CRB1: variants seen among roughly 807,000 people sequenced by gnomAD.
The protein encoded by CRB1 is crumbs cell polarity complex component 1.
In CRB1, 83 loss-of-function variants were observed where a neutral mutation model predicts 120.0. The ratio of observed to expected loss-of-function variants is 0.69; its 90% CI spans 0.58 to 0.83. The LOEUF is 0.83. Among genes scored for constraint, CRB1 ranks in the 40% least tolerant of loss-of-function variants. The pLI, the probability that CRB1 is intolerant of heterozygous loss-of-function variation, is 0.00. For missense variants in CRB1, 1,699 were observed against 1,687.6 expected (o/e 1.01, Z -0.12); for synonymous variants, 625 against 612.5 (o/e 1.02, Z -0.30).
In CRB1 at chr1:197,472,117, A is replaced by G. The variant is rs140063123; in HGVS notation, c.4006-5547A>G. On this transcript the variant is annotated intron_variant, in intron 11 of 11. Transcript: ENST00000367400. Reference sequence around the variant, plus strand: ...ACTTGGTTATTTGATGTAACACTAAATACACACACAGACACAACTAGTTTC... The same window carrying G: ...ACTTGGTTATTTGATGTAACACTAAGTACACACACAGACACAACTAGTTTC... Among the ~76,000 whole-genome samples, 15 of 152,338 alleles carry G rather than the reference A, an allele frequency of 9.8e-5. No homozygotes were observed. In the East Asian group the frequency reaches 2.3e-3, roughly 23 times the overall value.
chr1:197,339,587 A>C (rs1659340427), intron 2 of CRB1, among the ~76,000 whole-genome samples: 1 of 152,210 alleles, frequency 6.6e-6, no homozygotes, highest in Admixed American at 6.5e-5. Context: ...GGCATTCAGA[A>C]TGGTTTATCA....
intron 1 of CRB1, among the ~76,000 whole-genome samples, chr1:197,323,416 G>A (rs1331384824): frequency 1.3e-5 from 2 of 151,960 alleles, no homozygotes; most frequent in East Asian, 1.9e-4. Flanking sequence ...AAACTTTTTC[G>A]TCTTTGTTCA....
chr1:197,438,849 T>A, intron 10 of CRB1, 174 bp downstream of exon 10: 1 of 669,674 alleles, frequency 1.5e-6, no homozygotes, highest in Non-Finnish European at 2.4e-6. Flanking sequence ...ACAGTTTAGG[T>A]CAAAGGGGAG....
the CRB1 span, among the ~76,000 whole-genome samples, chr1:197,234,026 A>G: frequency 6.6e-6 from 1 of 152,062 alleles, no homozygotes; most frequent in South Asian, 2.1e-4. Flanking sequence ...TCCTAACTCC[A>G]TCTCTGTGTC....
the CRB1 span, among the ~76,000 whole-genome samples, chr1:197,206,073 T>TA: frequency 6.6e-6 from 1 of 152,064 alleles, no homozygotes; most frequent in Non-Finnish European, 1.5e-5. Context: ...TCAATGATCT[T>TA]TTGTATTTCT....
At chr1:197,400,270 A>G (rs1010547124) in intron 5 of CRB1, among the ~76,000 whole-genome samples, 1 of 151,620 alleles carries the variant, frequency 6.6e-6, no homozygotes, top group Non-Finnish European at 1.5e-5. Context: ...GCATTGTGCC[A>G]TAAAAGTAGG....
At chr1:197,386,861 C>T (rs553987295) in intron 5 of CRB1, among the ~76,000 whole-genome samples, 26 of 152,084 alleles carry the variant, frequency 1.7e-4, no homozygotes, top group Non-Finnish European at 3.2e-4. Context: ...ATCCTAGTAA[C>T]TGTCAATTGT....
At chr1:197,239,377 T>G in the CRB1 span, among the ~76,000 whole-genome samples, 1 of 152,286 alleles carries the variant, frequency 6.6e-6, no homozygotes, top group East Asian at 1.9e-4. Flanking sequence ...CTATCAATTT[T>G]TGCTTCATAT....
chr1:197,388,339 A>G (rs992667633), intron 5 of CRB1, among the ~76,000 whole-genome samples: 4 of 152,044 alleles, frequency 2.6e-5, no homozygotes. Context: ...ACTTAACCTA[A>G]ACAATGTCAT....
chr1:197,436,838 C>T (rs147567656), intron 9 of CRB1, among the ~76,000 whole-genome samples: 5 of 152,066 alleles, frequency 3.3e-5, no homozygotes, highest in Admixed American at 2.0e-4. Flanking sequence ...AGTGGATAAT[C>T]CTGGATAGTC....
chr1:197,259,925 G>A, the CRB1 span, among the ~76,000 whole-genome samples: 1 of 151,566 alleles, frequency 6.6e-6, no homozygotes, highest in Non-Finnish European at 1.5e-5. Context: ...CAAGGTGGGA[G>A]GATCGCCTGA....
At chr1:197,459,405 A>G (rs1014152768) in intron 11 of CRB1, among the ~76,000 whole-genome samples, 2 of 152,130 alleles carry the variant, frequency 1.3e-5, no homozygotes, top group African/African-American at 4.8e-5. Flanking sequence ...ACAGAAGGGT[A>G]TTAGTACTGG....
At chr1:197,456,647 T>A (rs1202695523) in intron 11 of CRB1, among the ~76,000 whole-genome samples, 1 of 152,124 alleles carries the variant, frequency 6.6e-6, no homozygotes, top group East Asian at 1.9e-4. Context: ...TCATCTTGAA[T>A]TAGAATTTGA....
intron 5 of CRB1, among the ~76,000 whole-genome samples, chr1:197,368,991 A>C (rs564085162): frequency 2.0e-5 from 3 of 152,254 alleles, no homozygotes; most frequent in East Asian, 3.9e-4. Flanking sequence ...TTTCCTGAGA[A>C]TAGCCAAACG....
In CRB1 at chr1:197,462,464, T is replaced by G. The variant is rs904823882; in HGVS notation, c.4006-15200T>G. On this transcript the variant is annotated intron_variant, in intron 11 of 11. Coordinates refer to ENST00000367400, the MANE Select transcript of CRB1 (RefSeq NM_201253.3). ...CAACTCCGAAGTTCCCCTATGCTTCTGGAAACATTAAATCCTCTTGGCAAT... is the reference window on the plus strand; with the variant it reads ...CAACTCCGAAGTTCCCCTATGCTTCGGGAAACATTAAATCCTCTTGGCAAT... 1.1e-4 allele frequency among the ~76,000 whole-genome samples: 17 copies of G among 152,146 alleles called. No individual in the cohort carries two copies. In the East Asian group the frequency reaches 3.3e-3, roughly 29 times the overall value.
intron 11 of CRB1, chr1:197,443,807 A>T (rs1040127003): frequency 2.7e-5 from 4 of 145,500 alleles, no homozygotes; most frequent in South Asian, 4.2e-4. Flanking sequence ...ATAATAATTT[A>T]AAAAAACTTT....
chr1:197,204,792 T>C, the CRB1 span, among the ~76,000 whole-genome samples: 1 of 152,192 alleles, frequency 6.6e-6, no homozygotes, highest in Non-Finnish European at 1.5e-5. Context: ...ACCCCATCTA[T>C]TTATCTTTGT....
chr1:197,403,724 C>T (rs183984267), intron 5 of CRB1, among the ~76,000 whole-genome samples: 29 of 152,100 alleles, frequency 1.9e-4, no homozygotes, highest in Non-Finnish European at 3.1e-4. Flanking sequence ...CCAGATCATC[C>T]TAACTTACAC....
At chr1:197,264,517 A>G (rs1284949817), upstream of CRB1, among the ~76,000 whole-genome samples, 1 of 151,952 alleles carries the variant, frequency 6.6e-6, no homozygotes, top group African/African-American at 2.4e-5. Context: ...ATCAAATGAT[A>G]GTTCTATTTT....
Sources: gnomAD v4.1 joint callset for allele counts (sites outside exome capture counted in the v4.1 genomes callset) on GRCh38, gnomAD v4.1.1 for gene constraint, MANE v1.5 for transcripts, NCBI Gene and HGNC (gene_info 2026-07-23, HGNC 2026-07-21) for gene names.